CDK15: variants seen among roughly 807,000 people sequenced by gnomAD.
The protein encoded by CDK15 is cyclin dependent kinase 15, also known as cyclin-dependent kinase 15.
CDK15 carries 62 observed loss-of-function variants against 60.3 expected under a neutral mutation model. The observed-to-expected ratio is 1.03, with a 90% CI of 0.84 to 1.27. CDK15 has a LOEUF of 1.27. CDK15 is among the 50% of genes most tolerant of loss of function. CDK15 has a pLI of 0.00. For synonymous variants in CDK15, 194 were observed against 195.7 expected, an observed-to-expected ratio of 0.99 and a Z score of 0.07; for missense variants, 541 against 527.8, an observed-to-expected ratio of 1.03 and a Z score of -0.25.
At chr2:201,861,135 T>C (rs1216176757) in intron 10 of CDK15, 4 of 1,034,022 alleles carry the variant, frequency 3.9e-6, no homozygotes, top group African/African-American at 3.4e-5. Context: ...AAGTCCAAGC[T>C]CCCCCTTTTA....
intron 10 of CDK15, among the ~76,000 whole-genome samples, chr2:201,864,977 C>A (rs1354962288): frequency 6.6e-6 from 1 of 151,916 alleles, no homozygotes; most frequent in Non-Finnish European, 1.5e-5. Flanking sequence ...ATGAGGGAAC[C>A]CTGTGGGGCC....
intron 12 of CDK15, among the ~76,000 whole-genome samples, chr2:201,886,892 C>T (rs933226801): frequency 6.6e-6 from 1 of 152,136 alleles, no homozygotes; most frequent in Non-Finnish European, 1.5e-5. Flanking sequence ...TAAAATGATT[C>T]TCTGCTGATG....
intron 9 of CDK15, among the ~76,000 whole-genome samples, chr2:201,850,194 G>C (rs1697848687): frequency 6.6e-6 from 1 of 152,106 alleles, no homozygotes; most frequent in South Asian, 2.1e-4. Flanking sequence ...CTACTGCTTG[G>C]GAGGCTGAGG....
rs1321977148 is a variant in CDK15 at position 201,893,490 on chromosome 2, A to G, written c.*223A>G. On this transcript the variant is annotated 3_prime_UTR_variant, in exon 14 of 14. Transcript: ENST00000652192. ...GAAGGTTATTGCTATTGTCATTTGC[A>G]TAGAATTTAAGTGATTGATTTAAAA... 1 of 152,240 alleles carries G rather than the reference A, an allele frequency of 6.6e-6. No individual in the cohort carries two copies. Among genetic ancestry groups the G allele is most frequent in the African/African-American group, 2.4e-5 (1 of 41,472 alleles). The allele number at this position is 152,240 out of a possible 1,614,324, so 9.4% of individuals were successfully genotyped here.
At chr2:201,883,454 G>A (rs1048518695) in intron 12 of CDK15, among the ~76,000 whole-genome samples, 2 of 152,172 alleles carry the variant, frequency 1.3e-5, no homozygotes, top group African/African-American at 4.8e-5. Flanking sequence ...CTTTCCCTAG[G>A]TTGTGGCAGT....
At chr2:201,843,894 A>G (rs1697514408) in intron 8 of CDK15, among the ~76,000 whole-genome samples, 1 of 95,276 alleles carries the variant, frequency 1.0e-5, no homozygotes, top group Admixed American at 1.3e-4. Flanking sequence ...TATAGAAGAT[A>G]AAGGACACTA....
intron 10 of CDK15, chr2:201,860,756 A>G: frequency 7.4e-7 from 1 of 1,352,188 alleles, no homozygotes. Flanking sequence ...AGCAAGAAAC[A>G]GCATGGATGG....
chr2:201,852,560 A>G (rs1244109115), intron 9 of CDK15, among the ~76,000 whole-genome samples: 1 of 152,236 alleles, frequency 6.6e-6, no homozygotes, highest in Non-Finnish European at 1.5e-5. Context: ...TAAACTATGC[A>G]AACTTTGAAT....
chr2:201,854,497 G>A (rs1005204357), intron 9 of CDK15, among the ~76,000 whole-genome samples: 10 of 152,168 alleles, frequency 6.6e-5, no homozygotes, highest in African/African-American at 1.9e-4. Flanking sequence ...TCTGATGCAA[G>A]GCAAAGAGAC....
chr2:201,818,284 A>G (rs917714993), intron 4 of CDK15, among the ~76,000 whole-genome samples: 2 of 152,228 alleles, frequency 1.3e-5, no homozygotes, highest in African/African-American at 4.8e-5. Context: ...GACTTGGAGA[A>G]TCAGCTTTCC....
intron 6 of CDK15, among the ~76,000 whole-genome samples, chr2:201,831,038 G>T (rs1696728584): frequency 1.3e-5 from 2 of 152,206 alleles, no homozygotes; most frequent in African/African-American, 4.8e-5. Context: ...AAATGTTTGG[G>T]AGAGAGAGGA....
At chr2:201,863,481 T>C (rs1035984422) in intron 10 of CDK15, among the ~76,000 whole-genome samples, 53 of 152,304 alleles carry the variant, frequency 3.5e-4, no homozygotes, top group African/African-American at 1.3e-3. Flanking sequence ...AGGTGCCAAA[T>C]AACATGTAAA....
intron 4 of CDK15, among the ~76,000 whole-genome samples, chr2:201,818,515 C>G (rs1269316585): frequency 3.9e-5 from 6 of 152,154 alleles, no homozygotes; most frequent in Non-Finnish European, 8.8e-5. Flanking sequence ...TATAAAATGT[C>G]CTTAAAATTA....
chr2:201,807,801 A>T, intron 2 of CDK15, 57 bp from the exon 3 acceptor site: 11 of 1,563,032 alleles, frequency 7.0e-6, no homozygotes, highest in Non-Finnish European at 9.6e-6. Context: ...CACTAAAAAA[A>T]AGTGTTCTTT....
chr2:201,824,645 T>C (rs953631369), intron 6 of CDK15: 3 of 327,984 alleles, frequency 9.1e-6, no homozygotes, highest in Non-Finnish European at 1.7e-5. Flanking sequence ...GTAAGATTTG[T>C]AACAAAAATT....
chr2:201,868,019 C>A (rs1311351516), intron 10 of CDK15, among the ~76,000 whole-genome samples: 2 of 152,122 alleles, frequency 1.3e-5, no homozygotes, highest in African/African-American at 2.4e-5. Flanking sequence ...GTTCATGTTA[C>A]CATACTACCA....
chr2:201,809,558 T>A (rs961991319), intron 3 of CDK15, among the ~76,000 whole-genome samples: 5 of 152,238 alleles, frequency 3.3e-5, no homozygotes, highest in African/African-American at 1.2e-4. Context: ...TTGTGCTGCA[T>A]GATTTTAATT....
At chr2:201,814,544 C>A (rs913124860) in intron 4 of CDK15, among the ~76,000 whole-genome samples, 2 of 152,138 alleles carry the variant, frequency 1.3e-5, no homozygotes, top group African/African-American at 4.8e-5. Context: ...TTGGCACTGT[C>A]CCATTTTTCC....
At chr2:201,819,838 T>C (rs529303600) in intron 4 of CDK15, among the ~76,000 whole-genome samples, 1 of 152,268 alleles carries the variant, frequency 6.6e-6, no homozygotes, top group South Asian at 2.1e-4. Context: ...AACTAGTAAC[T>C]CCAATGTAAG....
Sources: allele counts gnomAD v4.1 joint callset (sites outside exome capture counted in the v4.1 genomes callset), GRCh38; gene constraint gnomAD v4.1.1; transcripts MANE v1.5; gene names NCBI Gene and HGNC (gene_info 2026-07-23, HGNC 2026-07-21).